Variants in CD82 observed in about 807,000 individuals in gnomAD.
The protein encoded by CD82 is CD82 antigen.
Under a neutral mutation model 37.4 loss-of-function variants are expected in CD82, and 36 were observed. That is an observed-to-expected ratio of 0.96 (90% CI 0.74 to 1.27). CD82 has a LOEUF of 1.27. CD82 is among the 50% of genes most tolerant of loss of function. CD82 has a pLI of 0.00. For synonymous variants in CD82, 158 were observed against 137.4 expected, an observed-to-expected ratio of 1.15 and a Z score of -1.05; for missense variants, 340 against 347.0, an observed-to-expected ratio of 0.98 and a Z score of 0.16.
rs1227203226 is a variant in CD82, at chr11:44,615,387, G to C, written c.438+14G>C. 1 of 1,558,806 alleles carries C rather than the reference G, an allele frequency of 6.4e-7. No individual in the cohort carries two copies. The highest frequency in any genetic ancestry group is 1.3e-5 in the African/African-American group (1 of 74,086). On this transcript the variant is annotated intron_variant, in intron 7 of 9. Coordinates refer to ENST00000227155, the MANE Select transcript of CD82 (RefSeq NM_002231.4). Reference sequence around the variant, plus strand: ...GTGCAGGCTCAGGTGAGGTGGGGCGGGGCTGCAGGAGGCTCTCTGGCCTGG... The same window carrying C: ...GTGCAGGCTCAGGTGAGGTGGGGCGCGGCTGCAGGAGGCTCTCTGGCCTGG...
At chr11:44,605,981 G>A (rs1373060063) in intron 6 of CD82, among the ~76,000 whole-genome samples, 7 of 152,332 alleles carry the variant, frequency 4.6e-5, no homozygotes, top group Admixed American at 1.3e-4. Context: ...GACTTACAGC[G>A]GCTTAAAGTT....
chr11:44,590,480 G>C (rs531197883), intron 2 of CD82, among the ~76,000 whole-genome samples: 1 of 151,152 alleles, frequency 6.6e-6, no homozygotes, highest in Admixed American at 6.6e-5. Flanking sequence ...GCATGGTGGC[G>C]GGCGCCTGTA....
chr11:44,574,581 A>G (rs1219792272), intron 1 of CD82, among the ~76,000 whole-genome samples: 1 of 152,086 alleles, frequency 6.6e-6, no homozygotes, highest in Non-Finnish European at 1.5e-5. Context: ...AACCCCCCAA[A>G]CTTTCTGATT....
At chr11:44,581,569 C>T (rs994728449) in intron 1 of CD82, among the ~76,000 whole-genome samples, 2 of 152,242 alleles carry the variant, frequency 1.3e-5, no homozygotes, top group African/African-American at 2.4e-5. Context: ...ATGTCTGAGC[C>T]TCTCCAGACT....
intron 6 of CD82, among the ~76,000 whole-genome samples, chr11:44,609,645 G>GGCTTTCCCGGGGT (rs2134682259): frequency 6.6e-6 from 1 of 152,360 alleles, no homozygotes; most frequent in Non-Finnish European, 1.5e-5. Flanking sequence ...GACACAGGTG[G>GGCTTTCCCGGGGT]CGAGACGGGT....
chr11:44,616,032 G>A (rs1330519009), intron 7 of CD82, among the ~76,000 whole-genome samples: 1 of 152,166 alleles, frequency 6.6e-6, no homozygotes, highest in Non-Finnish European at 1.5e-5. Flanking sequence ...CTTTCTTGTG[G>A]TCCCGGATGC....
At chr11:44,573,914 C>T (rs959038434) in intron 1 of CD82, among the ~76,000 whole-genome samples, 66 of 152,250 alleles carry the variant, frequency 4.3e-4, no homozygotes, top group African/African-American at 1.4e-3. Flanking sequence ...TAAAATGCTT[C>T]GTGGCAGGCC....
At chr11:44,617,365 C>T (rs905826599) in intron 7 of CD82, among the ~76,000 whole-genome samples, 3 of 152,142 alleles carry the variant, frequency 2.0e-5, no homozygotes, top group African/African-American at 7.2e-5. Context: ...TCAAGACCAG[C>T]CTGGCCAACA....
At chr11:44,603,839 C>A (rs951604133) in intron 4 of CD82, among the ~76,000 whole-genome samples, 2 of 152,190 alleles carry the variant, frequency 1.3e-5, no homozygotes, top group African/African-American at 4.8e-5. Context: ...CCATCAGGCC[C>A]ATTCCTGTAC....
upstream of CD82, among the ~76,000 whole-genome samples, chr11:44,564,683 C>A (rs543032518): frequency 4.6e-5 from 7 of 152,296 alleles, no homozygotes; most frequent in East Asian, 1.4e-3. Flanking sequence ...CTATTCTCAT[C>A]AACCCACACC....
chr11:44,607,845 CTG>C (rs1255126348), intron 6 of CD82, among the ~76,000 whole-genome samples: 1 of 152,162 alleles, frequency 6.6e-6, no homozygotes, highest in African/African-American at 2.4e-5. Context: ...CTCTGCTTGG[CTG>C]ATAATGAGGA....
intron 6 of CD82, among the ~76,000 whole-genome samples, chr11:44,608,865 C>A (rs760333714): frequency 6.6e-6 from 1 of 152,252 alleles, no homozygotes; most frequent in African/African-American, 2.4e-5. Context: ...GAGCCGGAGC[C>A]CCCAGGGGCT....
In CD82 at chr11:44,597,278, G is replaced by A. The variant is rs1335791447; in HGVS notation, c.63+2553G>A. The stretch of plus-strand genomic sequence containing the variant: ...TCCAAAGGAATGCAGAGGCACTGGT[G>A]CTGTGGCTATGCTGGGGAAGGACGC... On this transcript the variant is annotated intron_variant, in intron 3 of 9. Transcript: ENST00000227155. This position sits in a 1 kb window ranked among gnomAD's most constrained non-coding sequence, Gnocchi z 4.1. Among the ~76,000 whole-genome samples the A allele has an allele frequency of 1.3e-5, 2 of 152,234 alleles. No individual in the cohort carries two copies. Among genetic ancestry groups the A allele is most frequent in the East Asian group, 3.9e-4 (2 of 5,186 alleles).
chr11:44,607,260 C>T (rs1379089956), intron 6 of CD82, among the ~76,000 whole-genome samples: 1 of 152,238 alleles, frequency 6.6e-6, no homozygotes, highest in Non-Finnish European at 1.5e-5. Context: ...CTCTTGGTAG[C>T]TAAGGGCTAA....
intron 6 of CD82, among the ~76,000 whole-genome samples, chr11:44,613,537 T>C (rs58725047): frequency 0.18 from 27,421 of 152,118 alleles, 2,835 homozygotes; most frequent in African/African-American, 0.29. Context: ...AAGATGTAGA[T>C]TTGGGCCAGG....
chr11:44,604,891 G>A (rs1334054998), intron 4 of CD82, 167 bp from the exon 5 acceptor site: 6 of 842,702 alleles, frequency 7.1e-6, no homozygotes, highest in Non-Finnish European at 1.2e-5. Context: ...CACAAGTGGG[G>A]ATGGGGGTGA....
chr11:44,591,914 G>C (rs1421583604), intron 2 of CD82, among the ~76,000 whole-genome samples: 1 of 152,076 alleles, frequency 6.6e-6, no homozygotes, highest in Non-Finnish European at 1.5e-5. Flanking sequence ...CCACCTCCTG[G>C]GTTCAAGCGA....
rs1216525732 is a variant in CD82 at position 44,620,038 on chromosome 11, G to T, written c.*912G>T. The T allele has an allele frequency of 6.6e-6, 1 of 152,606 alleles. No homozygotes were observed. Among genetic ancestry groups the T allele is most frequent in the Non-Finnish European group, 1.5e-5 (1 of 68,420 alleles). The allele number at this position is 152,606 out of a possible 1,614,324, so 9.5% of individuals were successfully genotyped here. A position where few individuals can be genotyped will look rare whatever the true frequency, so the allele number is the denominator to read the frequency against. ...CATGCCCTAGGGACACGGCCTAGGGGAGCTGGGCTGGAGGGGGTCTGCCTG... is the reference window on the plus strand; with the variant it reads ...CATGCCCTAGGGACACGGCCTAGGGTAGCTGGGCTGGAGGGGGTCTGCCTG... On this transcript the variant is annotated 3_prime_UTR_variant, in exon 10 of 10. Transcript: ENST00000227155.
In CD82 at chr11:44,600,093, G is replaced by A. The variant is rs1853285680; in HGVS notation, c.64-65G>A. 34 of 1,547,708 alleles carry A rather than the reference G, an allele frequency of 2.2e-5. 1 individual carries two copies. The Middle Eastern group carries it at 5.1e-4, about 23-fold the overall frequency. On this transcript the variant is annotated intron_variant, in intron 3 of 9. Transcript: ENST00000227155. ...TGCCCACCCTGACTTGGGTTCCAGG[G>A]ACAGCTGGCAGGGGGAGGGCTATCT...
Sources: gnomAD v4.1 joint callset for allele counts (sites outside exome capture counted in the v4.1 genomes callset) on GRCh38, gnomAD v4.1.1 for gene constraint, Gnocchi (gnomAD v3.1) non-coding constraint, MANE v1.5 for transcripts, NCBI Gene and HGNC (gene_info 2026-07-23, HGNC 2026-07-21) for gene names.